GON4L: variants seen among roughly 807,000 people sequenced by gnomAD.
GON4L encodes gon-4 like.
Under a neutral mutation model 211.8 loss-of-function variants are expected in GON4L, and 87 were observed. The ratio of observed to expected loss-of-function variants is 0.41; its 90% confidence interval spans 0.35 to 0.49. The LOEUF (loss-of-function observed/expected upper bound fraction) is 0.49, where lower values mean the gene tolerates loss of function less well. GON4L is among the 20% of genes least tolerant of loss of function. The probability of loss-of-function intolerance (pLI) is 0.15; values close to 1 mark genes in which losing one functional copy is unlikely to be tolerated. For missense variants in GON4L, 2,155 were observed against 2,659.5 expected (o/e 0.81, Z 4.17); for synonymous variants, 875 against 962.6 (o/e 0.91, Z 1.68).
At chr1:155,820,987 C>A (rs1301824874) in intron 5 of GON4L, among the ~76,000 whole-genome samples, 1 of 152,060 alleles carries the variant, frequency 6.6e-6, no homozygotes, top group East Asian at 1.9e-4. Flanking sequence ...AATAACAAGG[C>A]CGGGCGCGGT....
At chr1:155,785,645 A>G (rs775111850) in intron 12 of GON4L, among the ~76,000 whole-genome samples, 3 of 152,058 alleles carry the variant, frequency 2.0e-5, no homozygotes, top group Admixed American at 6.6e-5. Flanking sequence ...GCATGCCACC[A>G]TGCCTGGCTA....
rs567210113 is a variant in GON4L at position 155,820,477 on chromosome 1, T to C, written c.1014+129A>G. 8 of 696,562 alleles carry C rather than the reference T, an allele frequency of 1.1e-5. No individual in the cohort carries two copies. In the East Asian group the frequency reaches 1.4e-4, roughly 12 times the overall value. 43.1% of individuals were successfully genotyped at this position (696,562 alleles called of 1,614,324 possible). A position where few individuals can be genotyped will look rare whatever the true frequency, so the allele number is the denominator to read the frequency against. On this transcript the variant is annotated intron_variant, in intron 6 of 31. Coordinates refer to ENST00000368331, the MANE Select transcript of GON4L (RefSeq NM_001282860.2). ...TGATCATGTAGAAACAATTCTACTG[T>C]CTTTTATAAATATTTCTTTAAAGAG...
intron 2 of GON4L, among the ~76,000 whole-genome samples, chr1:155,835,848 G>A (rs1670243253): frequency 6.6e-6 from 1 of 152,212 alleles, no homozygotes; most frequent in East Asian, 1.9e-4. Flanking sequence ...CTCCTGGGCT[G>A]AGCCCCAATT....
intron 2 of GON4L, among the ~76,000 whole-genome samples, chr1:155,851,860 A>C (rs1420138570): frequency 1.3e-5 from 2 of 151,760 alleles, no homozygotes; most frequent in East Asian, 1.9e-4. Context: ...CCTTAGTACA[A>C]TCTACTACTC....
At chr1:155,790,697 G>C (rs1225651385) in intron 12 of GON4L, among the ~76,000 whole-genome samples, 2 of 152,018 alleles carry the variant, frequency 1.3e-5, no homozygotes, top group Non-Finnish European at 2.9e-5. Context: ...TGTAATCCCA[G>C]CACTTTGGGA....
In GON4L at chr1:155,762,373, T is replaced by A. The variant is rs779293479; in HGVS notation, c.4728A>T (p.Gly1576=). Residue 1576 remains glycine (G), a splice_region_variant and synonymous_variant, in exon 23 of 32, where the codon GGA becomes GGT. Transcript: ENST00000368331. ...CTTTTCCAGCAGCTTTGATGCTCTC[T>A]CCTTGTAGCACACATGAAAAGGATT... ...PEVETSRTPP[G]ESIKAAGKGR... The A allele has an allele frequency of 1.2e-6, 2 of 1,605,788 alleles. No homozygotes were observed. Among genetic ancestry groups the A allele is most frequent in the South Asian group, 2.2e-5 (2 of 90,332 alleles).
chr1:155,766,822 G>A, intron 20 of GON4L, 113 bp from the exon 21 acceptor site: 1 of 1,515,438 alleles, frequency 6.6e-7, no homozygotes, highest in Non-Finnish European at 9.0e-7. Context: ...GAAGTGGGCA[G>A]ATCACTTGAG....
chr1:155,785,037 C>T (rs1206482882), intron 13 of GON4L: 2 of 433,912 alleles, frequency 4.6e-6, no homozygotes, highest in Admixed American at 3.1e-5. Flanking sequence ...AAGGTCAAGG[C>T]TGCTGTGAGC....
At chr1:155,781,683 A>C (rs928676884) in intron 14 of GON4L, among the ~76,000 whole-genome samples, 1 of 151,508 alleles carries the variant, frequency 6.6e-6, no homozygotes, top group African/African-American at 2.4e-5. Context: ...GGCTGGTCTC[A>C]AACTCCTGAC....
At chr1:155,859,154 T>A (rs1268862172), upstream of GON4L, 1 of 152,276 alleles carries the variant, frequency 6.6e-6, no homozygotes, top group African/African-American at 2.4e-5. Flanking sequence ...AAATGCATAA[T>A]GATGGCAGTC....
chr1:155,767,518 C>G lies in GON4L; in HGVS notation c.2670G>C (p.Leu890=), dbSNP rs762279622. The change falls in exon 20 of 32, where the codon CTG becomes CTC. Residue 890 remains leucine (L), a synonymous_variant. Transcript: ENST00000368331. The part of the protein sequence containing the change: ...IIKFYKKTKQ[L]PVLGKCCEEI... The stretch of plus-strand genomic sequence containing the variant: ...CTTCACAGCATTTTCCTAGGACTGG[C>G]AGCTGTTTGGTCTTCTTATAAAACT... 11 of 1,610,118 alleles carry G rather than the reference C, an allele frequency of 6.8e-6. No individual in the cohort carries two copies. The highest frequency in any genetic ancestry group is 5.4e-5 in the African/African-American group (4 of 74,736).
At chr1:155,808,252 T>G (rs1406811594) in intron 10 of GON4L, among the ~76,000 whole-genome samples, 1 of 152,078 alleles carries the variant, frequency 6.6e-6, no homozygotes, top group East Asian at 1.9e-4. Context: ...TTGGCCAGGC[T>G]GGTCTAGAAC....
Position 155,766,274 on chromosome 1 carries a change from C to T in GON4L, c.3199G>A (p.Glu1067Lys). Reference sequence around the variant, plus strand: ...ACAGCAGGCAGTGCTGCAGGAGACTCAAAACTCTCACCTCCACTGACCCCC... The same window carrying T: ...ACAGCAGGCAGTGCTGCAGGAGACTTAAAACTCTCACCTCCACTGACCCCC... ...PLGVSGGESF[E>K]SPAALPAVPP... The change falls in exon 21 of 32, where the codon GAG (glutamate) becomes AAG (lysine). Residue 1067 changes from glutamate to lysine, a missense_variant. Physicochemically the swap from Glu to Lys is moderately conservative, Grantham distance 56. Around this residue, in one of 6 missense-constraint regions of GON4L, gnomAD observed 615 missense variants for 625.7 expected, o/e 0.98. Transcript: ENST00000368331. 2 of 1,614,034 alleles carry T rather than the reference C, an allele frequency of 1.2e-6. No homozygotes were observed. Among genetic ancestry groups the T allele is most frequent in the Non-Finnish European group, 1.7e-6 (2 of 1,180,022 alleles).
At chr1:155,835,144 T>C (rs1285561852) in intron 2 of GON4L, among the ~76,000 whole-genome samples, 5 of 152,136 alleles carry the variant, frequency 3.3e-5, no homozygotes, top group Non-Finnish European at 7.4e-5. Flanking sequence ...GAAAAATTCT[T>C]ATCCTGTTGA....
At chr1:155,820,579 CCAA>C in intron 6 of GON4L, 24 bp downstream of exon 6, 2 of 1,551,488 alleles carry the variant, frequency 1.3e-6, no homozygotes, top group Non-Finnish European at 1.8e-6. Flanking sequence ...TAAAAAAAAA[CCAA>C]CAACAAAAAA....
chr1:155,802,291 T>C (rs927289184), intron 11 of GON4L, among the ~76,000 whole-genome samples: 1 of 136,606 alleles, frequency 7.3e-6, no homozygotes, highest in African/African-American at 2.6e-5. Context: ...ATTTCATGTA[T>C]GTAGATATGT....
At chr1:155,776,330 A>G in intron 16 of GON4L, 65 bp downstream of exon 16, 1 of 1,112,098 alleles carries the variant, frequency 9.0e-7, no homozygotes, top group East Asian at 2.3e-5. Context: ...TGAATAACTG[A>G]GAAATAACCT....
intron 12 of GON4L, 77 bp from the exon 13 acceptor site, chr1:155,785,451 A>G (rs1664845612): frequency 1.0e-6 from 1 of 958,310 alleles, no homozygotes; most frequent in East Asian, 2.4e-5. Context: ...AAGACAATGT[A>G]TAATGTTTTC....
downstream of GON4L, chr1:155,745,821 A>C (rs542600019): frequency 4.9e-6 from 3 of 617,896 alleles, no homozygotes; most frequent in Middle Eastern, 4.4e-4. Flanking sequence ...CCCGTGGAGC[A>C]GCGCAGTATG....
Sources: gnomAD v4.1 joint callset for allele counts (sites outside exome capture counted in the v4.1 genomes callset) on GRCh38, gnomAD v4.1.1 for gene constraint, gnomAD v4.1.1 regional missense constraint, MANE v1.5 for transcripts, NCBI Gene and HGNC (gene_info 2026-07-23, HGNC 2026-07-21) for gene names.